COPS4: variants seen among roughly 807,000 people sequenced by gnomAD.
The protein encoded by COPS4 is COP9 signalosome subunit 4.
Under a neutral mutation model 55.1 loss-of-function variants are expected in COPS4, and 8 were observed. That is an observed-to-expected ratio of 0.15 (90% CI 0.09 to 0.26). The LOEUF (loss-of-function observed/expected upper bound fraction) is 0.26. Among genes scored for constraint, COPS4 ranks in the 10% least tolerant of loss-of-function variants. The pLI is 1.00. For missense variants in COPS4, 248 were observed against 484.0 expected (o/e 0.51, Z 4.58); for synonymous variants, 185 against 165.7 (o/e 1.12, Z -0.90).
chr4:83,056,227 C>T (rs1271388899), intron 4 of COPS4, among the ~76,000 whole-genome samples: 15 of 152,066 alleles, frequency 9.9e-5, no homozygotes, highest in African/African-American at 2.4e-5. Flanking sequence ...CCACCACGCC[C>T]GGCCTTAGGA....
chr4:83,075,143 A>AT (rs937604025), intron 9 of COPS4, among the ~76,000 whole-genome samples, 154 bp from the exon 10 acceptor site: 1 of 151,868 alleles, frequency 6.6e-6, no homozygotes, highest in African/African-American at 2.4e-5. Context: ...TATTGTTTTT[A>AT]TTTTTTTTGA....
intron 6 of COPS4, among the ~76,000 whole-genome samples, chr4:83,058,023 AAAATT>A (rs1225959443): frequency 1.3e-5 from 2 of 151,814 alleles, no homozygotes; most frequent in African/African-American, 2.4e-5. Context: ...GAGTGAAACA[AAAATT>A]AAAATCTATA....
intron 2 of COPS4, 93 bp downstream of exon 2, chr4:83,045,798 T>C (rs1730694019): frequency 2.0e-5 from 14 of 715,250 alleles, no homozygotes; most frequent in Non-Finnish European, 3.1e-5. Context: ...ATTATCAATA[T>C]TAAATATGCA....
At chr4:83,035,603 C>A in intron 1 of COPS4, 1 of 251,462 alleles carries the variant, frequency 4.0e-6, no homozygotes, top group Non-Finnish European at 8.3e-6. Flanking sequence ...CTACCCTGGC[C>A]TTAGTAGCCT....
intron 2 of COPS4, among the ~76,000 whole-genome samples, 157 bp downstream of exon 2, chr4:83,045,862 G>A (rs1730696253): frequency 6.6e-6 from 1 of 152,100 alleles, no homozygotes; most frequent in Non-Finnish European, 1.5e-5. Flanking sequence ...TTAATTTTCA[G>A]TGAATTATCT....
At chr4:83,054,155 A>G (rs1730959171) in intron 4 of COPS4, among the ~76,000 whole-genome samples, 1 of 152,074 alleles carries the variant, frequency 6.6e-6, no homozygotes, top group South Asian at 2.1e-4. Context: ...ATCCTGGCTA[A>G]CATGGTGAAA....
chr4:83,044,548 T>C (rs1025219094), intron 1 of COPS4, among the ~76,000 whole-genome samples: 2 of 150,606 alleles, frequency 1.3e-5, no homozygotes, highest in Non-Finnish European at 3.0e-5. Flanking sequence ...GAGGCTGAGG[T>C]GGGCGGATCA....
At chr4:83,065,167 C>T (rs1295554190) in intron 7 of COPS4, 5 of 482,968 alleles carry the variant, frequency 1.0e-5, no homozygotes, top group Non-Finnish European at 1.8e-5. Flanking sequence ...TAAGCCACTG[C>T]ACCTGCCTGC....
chr4:83,070,201 T>G (rs1344707503), intron 9 of COPS4, among the ~76,000 whole-genome samples: 1 of 152,192 alleles, frequency 6.6e-6, no homozygotes, highest in East Asian at 1.9e-4. Flanking sequence ...TACCTTTAAG[T>G]TTAAATACTA....
At chr4:83,068,411 T>C in intron 8 of COPS4, 27 bp from the exon 9 acceptor site, 2 of 1,481,216 alleles carry the variant, frequency 1.4e-6, no homozygotes, top group Non-Finnish European at 1.9e-6. Flanking sequence ...TGATAAAGTT[T>C]CTGAGAGTTT....
rs760803365 is a variant in COPS4, at chr4:83,063,269, A to G, written c.886+23A>G. On this transcript the variant is annotated intron_variant, in intron 7 of 9. Coordinates refer to ENST00000264389, the MANE Select transcript of COPS4 (RefSeq NM_016129.3). Reference sequence around the variant, plus strand: ...ATGGTAATGATCCTGTCTTATGTGTATATGGTAGTCAATGTTTAGGTACAG... The same window carrying G: ...ATGGTAATGATCCTGTCTTATGTGTGTATGGTAGTCAATGTTTAGGTACAG... The G allele has an allele frequency of 3.9e-5, 61 of 1,576,538 alleles. No homozygotes were observed. The South Asian group carries it at 4.6e-4, about 12-fold the overall frequency.
chr4:83,052,873 C>T (rs1360990204), intron 4 of COPS4, among the ~76,000 whole-genome samples: 1 of 152,162 alleles, frequency 6.6e-6, no homozygotes, highest in Non-Finnish European at 1.5e-5. Context: ...AGGTGTGAGC[C>T]ACCATGCCCA....
intron 1 of COPS4, among the ~76,000 whole-genome samples, chr4:83,040,736 ATT>A (rs1277140596): frequency 8.9e-6 from 1 of 112,454 alleles, no homozygotes; most frequent in Non-Finnish European, 1.9e-5. Flanking sequence ...TTTTTTTTTC[ATT>A]TCTTTCAGCT....
chr4:83,038,121 C>G (rs745475677), intron 1 of COPS4, among the ~76,000 whole-genome samples: 1 of 152,208 alleles, frequency 6.6e-6, no homozygotes, highest in Non-Finnish European at 1.5e-5. Context: ...GGAGGATAGA[C>G]TTTATTGAGG....
chr4:83,039,714 C>T (rs1444804192), intron 1 of COPS4, among the ~76,000 whole-genome samples: 1 of 152,156 alleles, frequency 6.6e-6, no homozygotes, highest in Admixed American at 6.5e-5. Context: ...TTACTACAGC[C>T]TTAACATGCT....
chr4:83,045,816 T>A, intron 2 of COPS4, 111 bp downstream of exon 2: 1 of 623,904 alleles, frequency 1.6e-6, no homozygotes, highest in Non-Finnish European at 2.8e-6. Context: ...GCATTGAGAT[T>A]GATTGATTTT....
intron 1 of COPS4, 66 bp downstream of exon 1, chr4:83,035,364 T>G: frequency 4.6e-6 from 6 of 1,304,514 alleles, no homozygotes; most frequent in Non-Finnish European, 6.3e-6. Context: ...TTAATCTCCT[T>G]AGGTTGGCCA....
intron 8 of COPS4, 152 bp downstream of exon 8, chr4:83,066,705 C>T (rs1272512540): frequency 1.3e-5 from 7 of 524,766 alleles, no homozygotes; most frequent in African/African-American, 8.0e-5. Flanking sequence ...TAAAAAGCCA[C>T]AAGTAAATAC....
chr4:83,061,048 T>TA (rs1560441467), intron 6 of COPS4, among the ~76,000 whole-genome samples: 20 of 147,544 alleles, frequency 1.4e-4, no homozygotes, highest in African/African-American at 5.1e-4. Context: ...AAAAAAATAA[T>TA]AATAATAATA....
Sources: allele counts gnomAD v4.1 joint callset (sites outside exome capture counted in the v4.1 genomes callset), GRCh38; gene constraint gnomAD v4.1.1; transcripts MANE v1.5; gene names NCBI Gene and HGNC (gene_info 2026-07-23, HGNC 2026-07-21).